The following NALCN variants were observed in gnomAD, a reference collection of about 807,000 sequenced individuals.
NALCN encodes sodium leak channel NALCN.
Under a neutral mutation model 225.3 loss-of-function variants are expected in NALCN, and 111 were observed. The ratio of observed to expected loss-of-function variants is 0.49; its 90% CI spans 0.42 to 0.58. The LOEUF (loss-of-function observed/expected upper bound fraction) is 0.58, where lower values mean the gene tolerates loss of function less well. Among genes scored for constraint, NALCN ranks in the 20% least tolerant of loss-of-function variants. The pLI is 0.00. For missense variants in NALCN, 1,378 were observed against 2,202.4 expected (o/e 0.63, Z 7.49); for synonymous variants, 764 against 769.0 (o/e 0.99, Z 0.11).
intron 18 of NALCN, among the ~76,000 whole-genome samples, chr13:101,115,116 G>A (rs537695455): frequency 6.6e-6 from 1 of 152,250 alleles, no homozygotes; most frequent in South Asian, 2.1e-4. Context: ...TTTGAAGCAT[G>A]AAAATAATCA....
rs192465463 is a variant in NALCN, at chr13:101,340,050, G to A, written c.799+5216C>T. Among the ~76,000 whole-genome samples, 357 of 150,874 alleles carry A rather than the reference G, an allele frequency of 2.4e-3. 2 individuals are homozygous for A. Among genetic ancestry groups the A allele is most frequent in the Non-Finnish European group, 3.9e-3 (262 of 67,742 alleles). Reference sequence around the variant, plus strand: ...TTGGAGGCCGAGGCGGGTGGATCACGAGGTCAGGAGATCGAGACCCTCCTG... The same window carrying A: ...TTGGAGGCCGAGGCGGGTGGATCACAAGGTCAGGAGATCGAGACCCTCCTG... On this transcript the variant is annotated intron_variant, in intron 7 of 43. Transcript: ENST00000251127.
At chr13:101,221,712 G>A (rs1357386360) in intron 13 of NALCN, among the ~76,000 whole-genome samples, 7 of 152,064 alleles carry the variant, frequency 4.6e-5, no homozygotes, top group African/African-American at 7.2e-5. Flanking sequence ...TGGGTACCTG[G>A]TGTCCAAAAG....
chr13:101,119,460 T>A (rs571562609), intron 18 of NALCN, among the ~76,000 whole-genome samples: 1 of 152,328 alleles, frequency 6.6e-6, no homozygotes, highest in East Asian at 1.9e-4. Flanking sequence ...AGGTTATAAA[T>A]ATATTGTCCT....
intron 4 of NALCN, among the ~76,000 whole-genome samples, chr13:101,377,770 T>C (rs1464577171): frequency 2.0e-5 from 3 of 152,262 alleles, no homozygotes; most frequent in East Asian, 3.9e-4. Flanking sequence ...TATTGTACAA[T>C]TAAAATTCAT....
rs1371649550 is a variant in NALCN, at chr13:101,401,970, T to C, written c.-39-2805A>G. ...AGGTGGTTGATTGTAATAATTTTCC[T>C]TTGCAAACAGAAATATTGTTTTATG... On this transcript the variant is annotated intron_variant, in intron 1 of 43. Coordinates refer to ENST00000251127, the MANE Select transcript of NALCN (RefSeq NM_052867.4). 2.0e-5 allele frequency among the ~76,000 whole-genome samples: 3 copies of C among 152,234 alleles called. No homozygotes were observed. In the East Asian group the frequency reaches 5.8e-4, roughly 29 times the overall value.
chr13:101,083,870 T>C (rs2033794099), intron 30 of NALCN, 66 bp from the exon 31 acceptor site: 3 of 1,476,684 alleles, frequency 2.0e-6, no homozygotes, highest in Non-Finnish European at 2.8e-6. Context: ...ACATGGCAGA[T>C]GGGGTGCCGA....
intron 1 of NALCN, among the ~76,000 whole-genome samples, chr13:101,401,339 C>T (rs1190123153): frequency 6.6e-6 from 1 of 151,868 alleles, no homozygotes; most frequent in Non-Finnish European, 1.5e-5. Context: ...ATCTGGTGGC[C>T]TCAATTTGAG....
chr13:101,055,742 T>G (rs1350494047), intron 43 of NALCN, among the ~76,000 whole-genome samples: 1 of 151,938 alleles, frequency 6.6e-6, no homozygotes, highest in Admixed American at 6.6e-5. Context: ...TTTGAAATAA[T>G]TAAAAAAACT....
At chr13:101,131,859 G>T (rs1594272445) in intron 17 of NALCN, among the ~76,000 whole-genome samples, 1 of 152,170 alleles carries the variant, frequency 6.6e-6, no homozygotes, top group Non-Finnish European at 1.5e-5. Context: ...CAATGTCAAT[G>T]CCTCTGTCAT....
intron 13 of NALCN, among the ~76,000 whole-genome samples, chr13:101,193,061 G>T (rs1299876327): frequency 6.6e-6 from 1 of 150,612 alleles, no homozygotes; most frequent in Non-Finnish European, 1.5e-5. Context: ...GGGACCTAAA[G>T]ATAGACCTAA....
chr13:101,158,838 T>C (rs116128473), intron 15 of NALCN, among the ~76,000 whole-genome samples: 1,553 of 152,316 alleles, frequency 0.01, 32 homozygotes, highest in African/African-American at 0.036. Flanking sequence ...CCGTAAACAC[T>C]GCTACTGATG....
At chr13:101,303,746 C>T (rs1351501564) in intron 7 of NALCN, among the ~76,000 whole-genome samples, 1 of 152,100 alleles carries the variant, frequency 6.6e-6, no homozygotes, top group Admixed American at 6.5e-5. Flanking sequence ...TCTCATTAGG[C>T]ACATTGGCAA....
At chr13:101,269,160 G>T (rs552276288) in intron 10 of NALCN, among the ~76,000 whole-genome samples, 2 of 151,034 alleles carry the variant, frequency 1.3e-5, no homozygotes, top group African/African-American at 2.4e-5. Flanking sequence ...TAGTTATTCC[G>T]CAACACTTTT....
intron 22 of NALCN, among the ~76,000 whole-genome samples, chr13:101,106,101 C>G (rs1174984110): frequency 1.3e-5 from 2 of 152,162 alleles, no homozygotes; most frequent in Admixed American, 6.6e-5. Context: ...AGGGAAAACC[C>G]TGTTCCAGGG....
intron 7 of NALCN, among the ~76,000 whole-genome samples, chr13:101,301,444 C>T (rs992226853): frequency 2.6e-5 from 4 of 152,102 alleles, no homozygotes; most frequent in Admixed American, 1.3e-4. Context: ...AAAGAAAGGC[C>T]GGGCGCAGTG....
Position 101,089,970 on chromosome 13 carries a change from C to T in NALCN, c.3270-4G>A, listed in dbSNP as rs199646798. The T allele has an allele frequency of 5.7e-4, 922 of 1,613,716 alleles. 5 individuals are homozygous for T. Among genetic ancestry groups the T allele is most frequent in the Non-Finnish European group, 2.6e-4 (308 of 1,179,786 alleles). On this transcript the variant is annotated splice_polypyrimidine_tract_variant and splice_region_variant and intron_variant, in intron 28 of 43. Coordinates refer to ENST00000251127, the MANE Select transcript of NALCN (RefSeq NM_052867.4). This position sits in a 1 kb window ranked among gnomAD's most constrained non-coding sequence, Gnocchi z 4.7. ...ATTAAAGTTCCGAGGATTCGCCCTG[C>T]GATTCCAATACAGGAATGTTCTGTG...
Position 101,172,011 on chromosome 13 carries a change from C to T in NALCN, c.1839+4289G>A, listed in dbSNP as rs111506794. Among the ~76,000 whole-genome samples the T allele has an allele frequency of 3.3e-3, 504 of 152,216 alleles. 4 individuals are homozygous for T. Among genetic ancestry groups the T allele is most frequent in the African/African-American group, 0.011 (476 of 41,538 alleles). On this transcript the variant is annotated intron_variant, in intron 15 of 43. Transcript: ENST00000251127. ...AACTTGACATTTTATTTAGCAGGTGCGGGCTTATATTAAGTGAATGCACAA... is the reference window on the plus strand; with the variant it reads ...AACTTGACATTTTATTTAGCAGGTGTGGGCTTATATTAAGTGAATGCACAA...
At chr13:101,403,989 G>A (rs991259955) in intron 1 of NALCN, among the ~76,000 whole-genome samples, 5 of 152,096 alleles carry the variant, frequency 3.3e-5, no homozygotes, top group African/African-American at 1.2e-4. Context: ...TAATTGTTTT[G>A]TTTTTTGACT....
intron 1 of NALCN, among the ~76,000 whole-genome samples, chr13:101,400,590 T>TGTGTGTGTGTGTGTGCGC (rs1555347181): frequency 7.0e-6 from 1 of 142,726 alleles, no homozygotes; most frequent in East Asian, 2.0e-4. Flanking sequence ...TGCACGTGTG[T>TGTGTGTGTGTGTGTGCGC]GCGCGCGCAC....
Sources: gnomAD v4.1 joint callset for allele counts (sites outside exome capture counted in the v4.1 genomes callset) on GRCh38, gnomAD v4.1.1 for gene constraint, Gnocchi (gnomAD v3.1) non-coding constraint, MANE v1.5 for transcripts, NCBI Gene and HGNC (gene_info 2026-07-23, HGNC 2026-07-21) for gene names.